SLC12A9: variants seen among roughly 807,000 people sequenced by gnomAD.
SLC12A9 encodes the protein CCC-interacting protein 1.
A neutral mutation model predicts 66.0 loss-of-function variants in SLC12A9; 55 were observed. That is an observed-to-expected ratio of 0.83 (90% confidence interval 0.67 to 1.04). SLC12A9 has a LOEUF of 1.04. SLC12A9 is among the 50% of genes least tolerant of loss of function. The probability of loss-of-function intolerance (pLI) is 0.00; values close to 1 mark genes in which losing one functional copy is unlikely to be tolerated. For missense variants in SLC12A9, 1,061 were observed against 1,241.9 expected (o/e 0.85, Z 2.19); for synonymous variants, 577 against 569.0 (o/e 1.01, Z -0.20).
chr7:100,857,115 G>A lies in SLC12A9; in HGVS notation c.696G>A (p.Leu232=). Residue 232 remains leucine (L), a synonymous_variant, in exon 5 of 14, where the codon CTG becomes CTA. Coordinates refer to ENST00000354161, the MANE Select transcript of SLC12A9 (RefSeq NM_020246.4). ...GGCCTGGCCCCAATGGCTCCTCCCT[G>A]CCGCCCCGGTTTGGCCACTTCACCG... ...TPRPGPNGSS[L]PPRFGHFTGF... The A allele has an allele frequency of 6.2e-7, 1 of 1,614,194 alleles. No individual in the cohort carries two copies. Among genetic ancestry groups the A allele is most frequent in the Non-Finnish European group, 8.5e-7 (1 of 1,180,046 alleles).
chr7:100,861,777 A>C lies in SLC12A9; in HGVS notation c.1577A>C (p.His526Pro). 6.2e-7 allele frequency: 1 copy of C among 1,614,060 alleles called. No individual in the cohort carries two copies. The highest frequency in any genetic ancestry group is 2.2e-5 in the East Asian group (1 of 44,852). The change falls in exon 12 of 14, where the codon CAC becomes CCC. Residue 526 changes from histidine to proline, a missense_variant. Transcript: ENST00000354161. This position sits in a 1 kb window ranked among gnomAD's most constrained non-coding sequence, Gnocchi z 5.3. ...YLLRLDVRKD[H>P]VKFWRPQLLL... ...CTTCGGCTGGACGTCCGGAAGGATC[A>C]CGTGAAGTTCTGGCGGCCCCAGCTG...
rs1584705467 is a variant in SLC12A9, at chr7:100,861,632, A to G, written c.1536+48A>G. The G allele has an allele frequency of 3.1e-6, 5 of 1,605,318 alleles. No homozygotes were observed. The highest frequency in any genetic ancestry group is 4.3e-6 in the Non-Finnish European group (5 of 1,174,902). ...TGGGGAAATGGGAGGTGGTCAAAGA[A>G]CCCCCTCTCTCTTTGGCTGGAGTTG... On this transcript the variant is annotated intron_variant, in intron 11 of 13. Transcript: ENST00000354161. The surrounding 1 kb of genome is among the most constrained non-coding windows in gnomAD (Gnocchi z 5.3).
In SLC12A9 at chr7:100,858,907, G is replaced by A; in HGVS notation, c.830G>A (p.Gly277Asp). 15 of 1,614,168 alleles carry A rather than the reference G, an allele frequency of 9.3e-6. No individual in the cohort carries two copies. The highest frequency in any genetic ancestry group is 1.3e-5 in the Non-Finnish European group (15 of 1,180,032). Residue 277 changes from glycine (G) to aspartate (D), a missense_variant, in exon 6 of 14, where the codon GGC (glycine) becomes GAC (aspartate). Transcript: ENST00000354161. ...FASVFAVLFN[G>D]CTGIMAGANM... ...AGCGTCTTTGCTGTCCTCTTTAACGGCTGTACAGGCATCATGGCTGGGGCC... is the reference window on the plus strand; with the variant it reads ...AGCGTCTTTGCTGTCCTCTTTAACGACTGTACAGGCATCATGGCTGGGGCC...
upstream of SLC12A9, chr7:100,852,574 G>C (rs1209031900): frequency 6.6e-6 from 1 of 152,422 alleles, no homozygotes; most frequent in Non-Finnish European, 1.5e-5. Context: ...TTGTCTGCAG[G>C]GCTGCATTGC....
At chr7:100,855,501 C>T in intron 3 of SLC12A9, 1 of 613,230 alleles carries the variant, frequency 1.6e-6, no homozygotes, top group Non-Finnish European at 2.8e-6. Context: ...CACGTTGATG[C>T]CAATTTCTAG....
At position 100,866,264 on chromosome 7, in the gene SLC12A9, G is replaced by A. The variant is rs1815083593; in HGVS notation, c.2404G>A (p.Val802Met). ...GATCCGGGCTGAGGTGCAGGAGGTGGTGTGGGGCGAGGGGGCCGGGGCTGG... is the reference window on the plus strand; with the variant it reads ...GATCCGGGCTGAGGTGCAGGAGGTGATGTGGGGCGAGGGGGCCGGGGCTGG... ...LRIRAEVQEV[V>M]WGEGAGAGEP... is the part of the protein sequence containing the mutation. The change falls in exon 14 of 14, where the codon GTG becomes ATG. Residue 802 changes from valine (V) to methionine (M), a missense_variant. Coordinates refer to ENST00000354161, the MANE Select transcript of SLC12A9 (RefSeq NM_020246.4). The surrounding 1 kb of genome is among the most constrained non-coding windows in gnomAD (Gnocchi z 7.3). 1 of 1,571,362 alleles carries A rather than the reference G, an allele frequency of 6.4e-7. No individual in the cohort carries two copies. The highest frequency in any genetic ancestry group is 8.6e-7 in the Non-Finnish European group (1 of 1,158,660).
At position 100,827,817 on chromosome 7, in the gene SLC12A9, C is replaced by T. The variant is rs1051775010; in HGVS notation, n.228+770C>T. ...GTCGGGGCTGGGGCCCAGGGACCCCCGGGACAGGCCCGAACCCGGCTGGCA... is the reference window on the plus strand; with the variant it reads ...GTCGGGGCTGGGGCCCAGGGACCCCTGGGACAGGCCCGAACCCGGCTGGCA... On this transcript the variant is annotated intron_variant and non_coding_transcript_variant, in intron 1 of 1. Coordinates refer to the SLC12A9 transcript ENST00000461016. Among the ~76,000 whole-genome samples the T allele has an allele frequency of 3.9e-5, 6 of 152,312 alleles. 1 individual carries two copies. In the Middle Eastern group the frequency reaches 0.014, roughly 345 times the overall value.
chr7:100,832,548 C>T (rs985434048), intron 1 of SLC12A9, among the ~76,000 whole-genome samples: 3 of 151,916 alleles, frequency 2.0e-5, no homozygotes, highest in African/African-American at 7.3e-5. Flanking sequence ...AGAGGAAAGA[C>T]AGAGAAAGAA....
chr7:100,839,218 A>T (rs930034679), intron 1 of SLC12A9, among the ~76,000 whole-genome samples: 1 of 151,986 alleles, frequency 6.6e-6, no homozygotes, highest in African/African-American at 2.4e-5. Flanking sequence ...CCAGCTACTC[A>T]GGAGGCTGAG....
chr7:100,853,382 T>G (rs1814188349), intron 1 of SLC12A9: 1 of 152,016 alleles, frequency 6.6e-6, no homozygotes, highest in Non-Finnish European at 1.5e-5. Flanking sequence ...ATCCCTAGTC[T>G]CAGGAACATA....
Position 100,866,155 on chromosome 7 carries a change from G to C in SLC12A9, c.2295G>C (p.Arg765=). The change falls in exon 14 of 14, where the codon CGG becomes CGC. Residue 765 remains arginine (R), a synonymous_variant. Transcript: ENST00000354161. This position sits in a 1 kb window ranked among gnomAD's most constrained non-coding sequence, Gnocchi z 7.3. The stretch of plus-strand genomic sequence containing the variant: ...TGGTGCCCGCTTGGCATAGCGCCCG[G>C]CTCCGGATCTTCCTGTGCCTGGGGC... ...LGMVPAWHSA[R]LRIFLCLGPR... 1 of 1,612,770 alleles carries C rather than the reference G, an allele frequency of 6.2e-7. No homozygotes were observed.
At position 100,855,218 on chromosome 7, in the gene SLC12A9, G is replaced by A. The variant is rs189543474; in HGVS notation, c.316+464G>A. On this transcript the variant is annotated intron_variant, in intron 3 of 13. Transcript: ENST00000354161. ...GCTCACTGTGATCTCGACTTCCTGGGCTCAAGTGATCCTCCTATCTCAGCC... is the reference window on the plus strand; with the variant it reads ...GCTCACTGTGATCTCGACTTCCTGGACTCAAGTGATCCTCCTATCTCAGCC... 6.1e-3 allele frequency among the ~76,000 whole-genome samples: 925 copies of A among 152,240 alleles called. 9 individuals are homozygous for A. The highest frequency in any genetic ancestry group is 9.3e-3 in the Non-Finnish European group (634 of 68,018).
chr7:100,836,472 A>T (rs921269880), intron 1 of SLC12A9, among the ~76,000 whole-genome samples: 3 of 152,082 alleles, frequency 2.0e-5, no homozygotes, highest in Non-Finnish European at 4.4e-5. Flanking sequence ...GAACCTCAGA[A>T]AACCCACCCC....
At chr7:100,849,722 A>T (rs1295736816), upstream of SLC12A9, among the ~76,000 whole-genome samples, 3 of 151,838 alleles carry the variant, frequency 2.0e-5, no homozygotes, top group Non-Finnish European at 4.4e-5. Flanking sequence ...TCTAAAAAAA[A>T]AAAAAGAGGA....
In SLC12A9 at chr7:100,855,918, C is replaced by T. The variant is rs1358254866; in HGVS notation, c.448+81C>T. 7 of 1,506,284 alleles carry T rather than the reference C, an allele frequency of 4.6e-6. No individual in the cohort carries two copies. The East Asian group carries it at 1.4e-4, about 30-fold the overall frequency. The allele number at this position is 1,506,284 out of a possible 1,614,324, so 93.3% of individuals were successfully genotyped here. A position where few individuals can be genotyped will look rare whatever the true frequency, so the allele number is the denominator to read the frequency against. ...GGGATCATGAGGGAGAAGGTCCTCTCCAGCAGAGGGGCAGACTGAGCCATT... is the reference window on the plus strand; with the variant it reads ...GGGATCATGAGGGAGAAGGTCCTCTTCAGCAGAGGGGCAGACTGAGCCATT... On this transcript the variant is annotated intron_variant, in intron 4 of 13. Coordinates refer to ENST00000354161, the MANE Select transcript of SLC12A9 (RefSeq NM_020246.4).
intron 7 of SLC12A9, 151 bp from the exon 8 acceptor site, chr7:100,859,734 A>T: frequency 1.1e-6 from 1 of 928,920 alleles, no homozygotes; most frequent in South Asian, 1.8e-5. Context: ...AGGAATGACC[A>T]CTGAGTGATT....
intron 2 of SLC12A9, 78 bp from the exon 3 acceptor site, chr7:100,854,542 C>G (rs1814268912): frequency 6.2e-7 from 1 of 1,603,400 alleles, no homozygotes; most frequent in African/African-American, 1.3e-5. Flanking sequence ...TAGCTCCACC[C>G]TGGAGCTCTG....
chr7:100,841,099 T>G (rs969332349), intron 1 of SLC12A9, among the ~76,000 whole-genome samples: 3 of 151,926 alleles, frequency 2.0e-5, no homozygotes, highest in Non-Finnish European at 4.4e-5. Flanking sequence ...CCTTAGGGGG[T>G]GGAATTTATA....
intron 1 of SLC12A9, among the ~76,000 whole-genome samples, chr7:100,843,458 C>T (rs950150408): frequency 1.3e-5 from 2 of 152,222 alleles, no homozygotes; most frequent in Non-Finnish European, 2.9e-5. Flanking sequence ...CATGTCGGCC[C>T]CAGCCCTGAG....
Sources: gnomAD v4.1 joint callset for allele counts (sites outside exome capture counted in the v4.1 genomes callset) on GRCh38, gnomAD v4.1.1 for gene constraint, Gnocchi (gnomAD v3.1) non-coding constraint, MANE v1.5 for transcripts, NCBI Gene and HGNC (gene_info 2026-07-23, HGNC 2026-07-21) for gene names.